PKD1L1: variants seen among roughly 807,000 people sequenced by gnomAD.
The protein encoded by PKD1L1 is polycystin 1 like 1, transient receptor potential channel interacting, also known as polycystin-1-like protein 1.
PKD1L1 carries 236 observed loss-of-function variants against 323.4 expected under a neutral mutation model. That is an observed-to-expected ratio of 0.73 (90% CI 0.66 to 0.81). The LOEUF is 0.81. PKD1L1 is among the 40% of genes least tolerant of loss of function. The pLI, the probability that PKD1L1 is intolerant of heterozygous loss-of-function variation, is 0.00. For synonymous variants in PKD1L1, 1,344 were observed against 1,335.0 expected (o/e 1.01, Z -0.15); for missense variants, 3,320 against 3,508.0 (o/e 0.95, Z 1.35).
intron 14 of PKD1L1, among the ~76,000 whole-genome samples, chr7:47,894,851 C>A (rs1272974880): frequency 2.6e-5 from 3 of 116,968 alleles, no homozygotes; most frequent in African/African-American, 3.7e-5. Context: ...GAGTGAGACC[C>A]TGTCAAAAAA....
intron 56 of PKD1L1, among the ~76,000 whole-genome samples, chr7:47,782,670 C>G (rs1437321075): frequency 9.9e-5 from 15 of 152,196 alleles, no homozygotes; most frequent in Non-Finnish European, 2.2e-4. Flanking sequence ...TGTGTGCTAG[C>G]TGTAACTTGG....
intron 56 of PKD1L1, among the ~76,000 whole-genome samples, chr7:47,788,672 A>T (rs1319440945): frequency 2.0e-5 from 3 of 150,030 alleles, no homozygotes; most frequent in Non-Finnish European, 4.4e-5. Flanking sequence ...CTCGGCTCAC[A>T]GCAATCTCCG....
At chr7:47,837,496 A>C (rs1204601960) in intron 36 of PKD1L1, among the ~76,000 whole-genome samples, 2 of 152,152 alleles carry the variant, frequency 1.3e-5, no homozygotes, top group Non-Finnish European at 2.9e-5. Flanking sequence ...CTTCACCTGC[A>C]TGGGTCTCAA....
chr7:47,813,978 T>C lies in PKD1L1; in HGVS notation c.7126A>G (p.Ser2376Gly). Residue 2376 changes from serine (S) to glycine (G), a missense_variant, in exon 48 of 57, where the codon AGT (serine) becomes GGT (glycine). Ser to Gly is a moderately conservative substitution (Grantham distance 56). Transcript: ENST00000289672. ...ALGGKCYLIG[S>G]SVIRQLKVFP... Reference sequence around the variant, plus strand: ...ACTTTTAGCTGCCTAATTACGGAACTGCCTATTAGGTAGCATTTTCCTCCA... The same window carrying C: ...ACTTTTAGCTGCCTAATTACGGAACCGCCTATTAGGTAGCATTTTCCTCCA... 12 of 1,614,116 alleles carry C rather than the reference T, an allele frequency of 7.4e-6. No individual in the cohort carries two copies. Among genetic ancestry groups the C allele is most frequent in the Non-Finnish European group, 1.0e-5 (12 of 1,180,026 alleles).
At chr7:47,864,628 C>CT (rs1343089792) in intron 26 of PKD1L1, among the ~76,000 whole-genome samples, 1 of 139,382 alleles carries the variant, frequency 7.2e-6, no homozygotes, top group Non-Finnish European at 1.5e-5. Flanking sequence ...TTCTTTCTTT[C>CT]TTTCTTTCCT....
At position 47,827,459 on chromosome 7, in the gene PKD1L1, C is replaced by T. The variant is rs778022919; in HGVS notation, c.6745G>A (p.Ala2249Thr). 6.2e-7 allele frequency: 1 copy of T among 1,607,530 alleles called. No individual in the cohort carries two copies. Among genetic ancestry groups the T allele is most frequent in the South Asian group, 1.1e-5 (1 of 90,218 alleles). ...CAGEVEKVLA[A>T]RQQARHLRWA... ...CGCAGGTGGCGAGCTTGTTGTCGGG[C>T]AGCCAAGACCTGTCAGGGACAAGAG... Residue 2249 changes from alanine (A) to threonine (T), a missense_variant, in exon 45 of 57, where the codon GCC becomes ACC. Ala to Thr is a moderately conservative substitution (Grantham distance 58). Transcript: ENST00000289672.
Position 47,827,341 on chromosome 7 carries a change from G to A in PKD1L1, c.6854+9C>T, listed in dbSNP as rs760251500. On this transcript the variant is annotated intron_variant, in intron 45 of 56. Coordinates refer to ENST00000289672, the MANE Select transcript of PKD1L1 (RefSeq NM_138295.5). ...GGAGCAAGCCCTCCCGACAGAAGCC[G>A]CCACCCACCTCAGGGCAGCCCGTGT... is the stretch of plus-strand genomic sequence containing the variant. 46 of 1,598,878 alleles carry A rather than the reference G, an allele frequency of 2.9e-5. No individual in the cohort carries two copies. The highest frequency in any genetic ancestry group is 6.7e-5 in the African/African-American group (5 of 74,536).
At chr7:47,936,796 T>C (rs941771401) in intron 4 of PKD1L1, 50 bp downstream of exon 4, 1 of 1,366,142 alleles carries the variant, frequency 7.3e-7, no homozygotes. Context: ...AAGTTCCATG[T>C]CATTTGCATG....
intron 12 of PKD1L1, among the ~76,000 whole-genome samples, chr7:47,903,965 A>G (rs1379297162): frequency 2.0e-5 from 3 of 151,950 alleles, no homozygotes; most frequent in Non-Finnish European, 2.9e-5. Context: ...CTGCCAACCT[A>G]CACTCATCTC....
intron 24 of PKD1L1, among the ~76,000 whole-genome samples, chr7:47,869,379 A>C (rs1331268768): frequency 6.6e-6 from 1 of 152,204 alleles, no homozygotes; most frequent in Non-Finnish European, 1.5e-5. Flanking sequence ...AGACTACTTT[A>C]GGTTCAAGGA....
In PKD1L1 at chr7:47,775,005, C is replaced by T. The variant is rs1004438096; in HGVS notation, c.*138G>A. On this transcript the variant is annotated 3_prime_UTR_variant, in exon 57 of 57. Coordinates refer to ENST00000289672, the MANE Select transcript of PKD1L1 (RefSeq NM_138295.5). ...ATCCTGGTTTCCCATTTACTTGTTACGTGAACTGGAAAAATTAACAAAACT... is the reference window on the plus strand; with the variant it reads ...ATCCTGGTTTCCCATTTACTTGTTATGTGAACTGGAAAAATTAACAAAACT... 17 of 855,912 alleles carry T rather than the reference C, an allele frequency of 2.0e-5. No individual in the cohort carries two copies. Among genetic ancestry groups the T allele is most frequent in the Admixed American group, 7.0e-5 (3 of 43,076 alleles). 53.0% of individuals were successfully genotyped at this position (855,912 alleles called of 1,614,324 possible).
At chr7:47,873,445 G>A (rs1397359795) in intron 24 of PKD1L1, among the ~76,000 whole-genome samples, 3 of 151,890 alleles carry the variant, frequency 2.0e-5, no homozygotes, top group East Asian at 1.9e-4. Flanking sequence ...TCAGGAGTTC[G>A]AGACCAGCCT....
intron 21 of PKD1L1, among the ~76,000 whole-genome samples, chr7:47,880,100 C>A (rs962573434): frequency 6.7e-6 from 1 of 149,968 alleles, no homozygotes; most frequent in Non-Finnish European, 1.5e-5. Flanking sequence ...TAAGGCGAGG[C>A]CTGTGGGTGA....
rs1326038001 is a variant in PKD1L1, at chr7:47,791,557, C to T, written c.8526+1070G>A. On this transcript the variant is annotated intron_variant, in intron 56 of 56. Coordinates refer to ENST00000289672, the MANE Select transcript of PKD1L1 (RefSeq NM_138295.5). Reference sequence around the variant, plus strand: ...TGGCAATTGTTTTCAAAGTTATACCCTTCATCTTCACTTTTGGTCATTTTT... The same window carrying T: ...TGGCAATTGTTTTCAAAGTTATACCTTTCATCTTCACTTTTGGTCATTTTT... Among the ~76,000 whole-genome samples the T allele has an allele frequency of 2.0e-5, 3 of 151,696 alleles. No individual in the cohort carries two copies. The East Asian group carries it at 5.8e-4, about 29-fold the overall frequency.
In PKD1L1 at chr7:47,902,377, A is replaced by G. The variant is rs1787110709; in HGVS notation, c.2064+2T>C. 2 of 1,613,850 alleles carry G rather than the reference A, an allele frequency of 1.2e-6. No homozygotes were observed. The highest frequency in any genetic ancestry group is 1.7e-6 in the Non-Finnish European group (2 of 1,179,956). ...GGAGGATTTCCCAGACTCCGAGCCT[A>G]CCTGGACTTTCCCAGGCCCCATGTT... is the stretch of plus-strand genomic sequence containing the variant. On this transcript the variant is annotated splice_donor_variant, in intron 13 of 56. Coordinates refer to ENST00000289672, the MANE Select transcript of PKD1L1 (RefSeq NM_138295.5). LOFTEE classifies it high-confidence loss of function.
chr7:47,891,038 C>T (rs1446632716), intron 15 of PKD1L1, among the ~76,000 whole-genome samples: 1 of 152,186 alleles, frequency 6.6e-6, no homozygotes, highest in East Asian at 1.9e-4. Flanking sequence ...CTTCCTAACC[C>T]TTCTCTGCGC....
At chr7:47,912,033 A>T (rs562828274) in intron 8 of PKD1L1, among the ~76,000 whole-genome samples, 28 of 152,278 alleles carry the variant, frequency 1.8e-4, no homozygotes, top group African/African-American at 5.3e-4. Context: ...TTCAGCATGT[A>T]CAAGATACTA....
At chr7:47,864,926 C>T (rs966134394) in intron 26 of PKD1L1, among the ~76,000 whole-genome samples, 1 of 151,972 alleles carries the variant, frequency 6.6e-6, no homozygotes, top group African/African-American at 2.4e-5. Context: ...CAGGGTTTCA[C>T]CATGTTGGTC....
chr7:47,923,335 T>A (rs1434912112), intron 7 of PKD1L1, among the ~76,000 whole-genome samples: 21 of 123,488 alleles, frequency 1.7e-4, no homozygotes, highest in South Asian at 1.1e-3. Context: ...CAATAAATAC[T>A]AAAAAAAAAA....
Sources: gnomAD v4.1 joint callset for allele counts (sites outside exome capture counted in the v4.1 genomes callset) on GRCh38, gnomAD v4.1.1 for gene constraint, MANE v1.5 for transcripts, NCBI Gene and HGNC (gene_info 2026-07-23, HGNC 2026-07-21) for gene names.